Variants in ITFG1 observed in about 807,000 individuals in gnomAD.
ITFG1 encodes T-cell immunomodulatory protein.
Under a neutral mutation model 81.8 loss-of-function variants are expected in ITFG1, and 34 were observed. The ratio of observed to expected loss-of-function variants is 0.42; its 90% CI spans 0.32 to 0.55. The LOEUF (loss-of-function observed/expected upper bound fraction) is 0.55, where lower values mean the gene tolerates loss of function less well. ITFG1 is among the 20% of genes least tolerant of loss of function. ITFG1 has a pLI of 0.17. For missense variants in ITFG1, 672 were observed against 755.4 expected (o/e 0.89, Z 1.29); for synonymous variants, 285 against 270.6 (o/e 1.05, Z -0.52).
chr16:47,317,897 C>T (rs1967386943), intron 8 of ITFG1: 1 of 152,210 alleles, frequency 6.6e-6, no homozygotes, highest in Non-Finnish European at 1.5e-5. Context: ...ACATCTTCTA[C>T]ATAATCTCAT....
At chr16:47,444,582 C>G (rs976166686) in intron 5 of ITFG1, among the ~76,000 whole-genome samples, 4 of 151,958 alleles carry the variant, frequency 2.6e-5, no homozygotes, top group Admixed American at 2.6e-4. Context: ...ATTACATTAA[C>G]AGGATACAGA....
intron 14 of ITFG1, among the ~76,000 whole-genome samples, chr16:47,207,742 C>T (rs1288878748): frequency 6.6e-6 from 1 of 152,190 alleles, no homozygotes; most frequent in Non-Finnish European, 1.5e-5. Flanking sequence ...GGCCACAGGA[C>T]GTTAACTCAC....
chr16:47,339,528 T>C (rs1967752785), intron 8 of ITFG1, among the ~76,000 whole-genome samples: 1 of 151,868 alleles, frequency 6.6e-6, no homozygotes, highest in Admixed American at 6.6e-5. Flanking sequence ...AATAAGGAGA[T>C]TATAAATGAA....
chr16:47,417,778 C>G (rs1036358913), intron 6 of ITFG1, among the ~76,000 whole-genome samples: 2 of 152,072 alleles, frequency 1.3e-5, no homozygotes, highest in African/African-American at 4.8e-5. Context: ...CATTCATTAG[C>G]TGAAGGACAC....
At chr16:47,404,144 G>A (rs1387453699) in intron 6 of ITFG1, among the ~76,000 whole-genome samples, 2 of 152,092 alleles carry the variant, frequency 1.3e-5, no homozygotes, top group African/African-American at 4.8e-5. Flanking sequence ...AAAAGGGTTG[G>A]GGGCTAGTGC....
At chr16:47,391,130 G>A (rs1288371314) in intron 6 of ITFG1, among the ~76,000 whole-genome samples, 1 of 152,010 alleles carries the variant, frequency 6.6e-6, no homozygotes, top group Non-Finnish European at 1.5e-5. Context: ...GAACCCACAA[G>A]CAGAGGCACA....
chr16:47,212,091 T>C (rs1244637691), intron 14 of ITFG1, among the ~76,000 whole-genome samples: 1 of 151,962 alleles, frequency 6.6e-6, no homozygotes, highest in South Asian at 2.1e-4. Flanking sequence ...TTTATATTCA[T>C]GAGGACTATC....
At chr16:47,443,384 C>T (rs1212917866) in intron 5 of ITFG1, among the ~76,000 whole-genome samples, 4 of 152,126 alleles carry the variant, frequency 2.6e-5, no homozygotes, top group African/African-American at 9.7e-5. Flanking sequence ...TTGACCCAGA[C>T]GTCCCATTAC....
intron 17 of ITFG1, among the ~76,000 whole-genome samples, chr16:47,158,274 C>T (rs1350879637): frequency 1.3e-5 from 2 of 151,934 alleles, no homozygotes; most frequent in Non-Finnish European, 2.9e-5. Flanking sequence ...TTTGTGTATT[C>T]TGTAGAGACG....
intron 10 of ITFG1, among the ~76,000 whole-genome samples, chr16:47,285,915 C>A (rs1966867835): frequency 6.6e-6 from 1 of 152,140 alleles, no homozygotes; most frequent in African/African-American, 2.4e-5. Context: ...TGAAACTCAC[C>A]CCCACACTTA....
chr16:47,225,821 C>A (rs1965749681), intron 13 of ITFG1, among the ~76,000 whole-genome samples: 1 of 151,818 alleles, frequency 6.6e-6, no homozygotes, highest in East Asian at 1.9e-4. Context: ...TGAAAGGACA[C>A]TAGACAGTAA....
chr16:47,426,602 C>T (rs918993696), intron 6 of ITFG1, among the ~76,000 whole-genome samples: 32 of 150,572 alleles, frequency 2.1e-4, no homozygotes, highest in Admixed American at 2.1e-3. Context: ...ACATACCAAG[C>T]ATATTGAAGT....
At chr16:47,409,479 G>C (rs545202906) in intron 6 of ITFG1, among the ~76,000 whole-genome samples, 2 of 127,174 alleles carry the variant, frequency 1.6e-5, no homozygotes, top group Non-Finnish European at 3.1e-5. Context: ...GCAGTGGCAC[G>C]ATCTCGGCTC....
chr16:47,461,202 C>T (rs962990169), upstream of ITFG1: 5 of 974,336 alleles, frequency 5.1e-6, no homozygotes, highest in East Asian at 2.7e-5. Flanking sequence ...GCCCTTCCGA[C>T]GCTAAAAAAG....
At chr16:47,223,322 T>C (rs1321030883) in intron 13 of ITFG1, among the ~76,000 whole-genome samples, 1 of 152,146 alleles carries the variant, frequency 6.6e-6, no homozygotes, top group Non-Finnish European at 1.5e-5. Flanking sequence ...GAGTAAATCT[T>C]CGCAACCTAC....
intron 5 of ITFG1, among the ~76,000 whole-genome samples, chr16:47,447,220 A>G (rs1326415011): frequency 2.0e-5 from 3 of 152,140 alleles, no homozygotes; most frequent in African/African-American, 7.2e-5. Flanking sequence ...ATAAAGCAAA[A>G]TGGTTTCTCC....
chr16:47,216,502 A>T (rs1177498049), intron 14 of ITFG1, among the ~76,000 whole-genome samples: 1 of 151,966 alleles, frequency 6.6e-6, no homozygotes, highest in East Asian at 1.9e-4. Context: ...CACCCAGCGC[A>T]TCTTTTTTAA....
intron 10 of ITFG1, among the ~76,000 whole-genome samples, chr16:47,300,311 T>C (rs547006867): frequency 2.0e-5 from 3 of 152,240 alleles, no homozygotes; most frequent in Admixed American, 6.5e-5. Flanking sequence ...ATTGTCTACA[T>C]GCTATTTTGC....
intron 8 of ITFG1, among the ~76,000 whole-genome samples, chr16:47,350,618 C>T (rs1434652840): frequency 9.9e-5 from 15 of 152,112 alleles, no homozygotes; most frequent in Non-Finnish European, 2.2e-4. Flanking sequence ...GATTCACAGC[C>T]GAATTCTACC....
Sources: gnomAD v4.1 joint callset for allele counts (sites outside exome capture counted in the v4.1 genomes callset) on GRCh38, gnomAD v4.1.1 for gene constraint, MANE v1.5 for transcripts, NCBI Gene and HGNC (gene_info 2026-07-23, HGNC 2026-07-21) for gene names.